The following LAMB2 variants were observed in gnomAD, a reference collection of about 807,000 sequenced individuals.
The protein encoded by LAMB2 is laminin subunit beta-2.
LAMB2 carries 119 observed loss-of-function variants against 202.7 expected under a neutral mutation model. That is an observed-to-expected ratio of 0.59 (90% CI 0.51 to 0.68). LAMB2 has a LOEUF of 0.68. Ranked by LOEUF, LAMB2 falls within the 30% of genes least tolerant of loss-of-function variation. The pLI, the probability that LAMB2 is intolerant of heterozygous loss-of-function variation, is 0.00. For missense variants in LAMB2, 2,124 were observed against 2,410.6 expected (o/e 0.88, Z 2.49); for synonymous variants, 818 against 902.2 (o/e 0.91, Z 1.67).
chr3:49,125,853 C>T lies in LAMB2; in HGVS notation c.2382G>A (p.Glu794=), dbSNP rs774599324. 9 of 1,614,004 alleles carry T rather than the reference C, an allele frequency of 5.6e-6. No homozygotes were observed. The East Asian group carries it at 2.0e-4, about 36-fold the overall frequency. Residue 794 remains glutamate, a synonymous_variant, in exon 18 of 32, where the codon GAG becomes GAA. Coordinates refer to ENST00000305544, the MANE Select transcript of LAMB2 (RefSeq NM_002292.4). ...QCNPQGSLSS[E]CNPHGGQCLC... The stretch of plus-strand genomic sequence containing the variant: ...GGCACTGACCACCATGAGGGTTGCA[C>T]TCAGAACTCAGTGAACCTTGAGGGT...
rs1424003500 is a variant in LAMB2, at chr3:49,126,365, C to T, written c.2151G>A (p.Ser717=). 14 of 1,614,170 alleles carry T rather than the reference C, an allele frequency of 8.7e-6. No individual in the cohort carries two copies. The highest frequency in any genetic ancestry group is 5.5e-5 in the South Asian group (5 of 91,070). ...PYSGPGLLID[S]LVLLPRVLVL... is the part of the protein sequence containing the mutation. ...GTGTGGGCAAGAGGAGATTATTCAC[C>T]GAGTCAATGAGCAGGCCAGGTCCAG... Residue 717 remains serine, a splice_region_variant and synonymous_variant, in exon 16 of 32, where the codon TCG becomes TCA. Coordinates refer to ENST00000305544, the MANE Select transcript of LAMB2 (RefSeq NM_002292.4).
chr3:49,125,312 G>T lies in LAMB2; in HGVS notation c.2661C>A (p.Asn887Lys), dbSNP rs1461585400. The change falls in exon 19 of 32, where the codon AAC (asparagine) becomes AAA (lysine). Residue 887 changes from asparagine to lysine, a missense_variant. Physicochemically the swap from Asn to Lys is moderately conservative, Grantham distance 94 (BLOSUM62 0). This residue lies in a region of LAMB2 where 1,702 missense variants were observed against 1,896.3 expected (regional missense o/e 0.90). Transcript: ENST00000305544. ...AGCCCAGGCAAGCGCCTGTGTGGGT[G>T]TTGCACTCATCTGCATGCCCATTGC... ...CVCNGHADEC[N>K]THTGACLGCR... 1 of 1,613,892 alleles carries T rather than the reference G, an allele frequency of 6.2e-7. No individual in the cohort carries two copies. Among genetic ancestry groups the T allele is most frequent in the Admixed American group, 1.7e-5 (1 of 60,012 alleles).
chr3:49,128,144 G>A (rs546234814), intron 15 of LAMB2, among the ~76,000 whole-genome samples: 84 of 151,442 alleles, frequency 5.5e-4, no homozygotes, highest in Non-Finnish European at 1.0e-3. Context: ...AGAGTGCTCT[G>A]ATGCCACAAC....
rs1399036013 is a variant in LAMB2 at position 49,125,125 on chromosome 3, C to A, written c.2765G>T (p.Gly922Val). 1.9e-6 allele frequency: 3 copies of A among 1,613,730 alleles called. No individual in the cohort carries two copies. The highest frequency in any genetic ancestry group is 2.5e-6 in the Non-Finnish European group (3 of 1,179,966). ...AGGACAGGGACAGGGCCGGCACTGG[C>A]CCCCATATGGCAGCCGTGGGTCCCC... ...FHGDPRLPYG[G>V]QCRPCPCPEG... is the part of the protein sequence containing the mutation. The change falls in exon 20 of 32, where the codon GGC becomes GTC. Residue 922 changes from glycine (G) to valine (V), a missense_variant. This residue lies in a region of LAMB2 where 1,702 missense variants were observed against 1,896.3 expected (regional missense o/e 0.90). Transcript: ENST00000305544.
chr3:49,130,934 G>T lies in LAMB2; in HGVS notation c.915+16C>A. On this transcript the variant is annotated intron_variant, in intron 7 of 31. Transcript: ENST00000305544. The surrounding 1 kb of genome is among the most constrained non-coding windows in gnomAD (Gnocchi z 5.0). The stretch of plus-strand genomic sequence containing the variant: ...CCCTGCCCCTAGCCCTATCCCAACC[G>T]TCTGAAGCCCCTTACCATGCCCTCA... 1 of 1,614,070 alleles carries T rather than the reference G, an allele frequency of 6.2e-7. No individual in the cohort carries two copies. The highest frequency in any genetic ancestry group is 1.3e-5 in the African/African-American group (1 of 75,042).
At chr3:49,127,856 T>C (rs2045433882) in intron 15 of LAMB2, among the ~76,000 whole-genome samples, 1 of 150,574 alleles carries the variant, frequency 6.6e-6, no homozygotes, top group African/African-American at 2.4e-5. Flanking sequence ...CCATCTCTAC[T>C]AAAAATACAA....
chr3:49,125,752 C>G lies in LAMB2; in HGVS notation c.2483G>C (p.Cys828Ser), dbSNP rs376033769. The G allele has an allele frequency of 2.5e-6, 4 of 1,613,784 alleles. No homozygotes were observed. The highest frequency in any genetic ancestry group is 2.5e-6 in the Non-Finnish European group (3 of 1,179,906). The change falls in exon 18 of 32, where the codon TGT becomes TCT. Residue 828 changes from cysteine to serine, a missense_variant. By Grantham distance (112) the Cys-to-Ser change is moderately radical. This residue lies in a region of LAMB2 where 1,702 missense variants were observed against 1,896.3 expected (regional missense o/e 0.90). Transcript: ENST00000305544. ...AACAAGGGGCAGAAGAGTACCTTGA[C>G]AGCCTGTGGGGCCAAAGCCATAGTA... ...PGYYGFGPTG[C>S]QACQCSHEGA...
chr3:49,121,810 T>C lies in LAMB2; in HGVS notation c.4974A>G (p.Glu1658=). 1 of 1,613,200 alleles carries C rather than the reference T, an allele frequency of 6.2e-7. No homozygotes were observed. Among genetic ancestry groups the C allele is most frequent in the South Asian group, 1.1e-5 (1 of 91,076 alleles). The change falls in exon 30 of 32, where the codon GAA becomes GAG. Residue 1658 remains glutamate (E), a synonymous_variant. Transcript: ENST00000305544. ...GGAGAGCATCCAACTGCCGAGCCCT[T>C]TCACCTGCAGAGCTCAGTGCCCGCT... ...GAERALSSAG[E]RARQLDALLE...
chr3:49,124,329 T>C, intron 22 of LAMB2, 43 bp from the exon 23 acceptor site: 1 of 1,613,362 alleles, frequency 6.2e-7, no homozygotes, highest in East Asian at 2.2e-5. Context: ...TATAAGAGGC[T>C]AAGCCCTGGA....
chr3:49,132,246 CTT>C lies in LAMB2; in HGVS notation c.385+22_385+23del. The stretch of plus-strand genomic sequence containing the variant: ...AGCTACTGGTGGGCAGCCCTGCTCA[CTT>C]TTGCCCCACCCATGGCCTCACCATT... On this transcript the variant is annotated intron_variant, in intron 3 of 31. Coordinates refer to ENST00000305544, the MANE Select transcript of LAMB2 (RefSeq NM_002292.4). The surrounding 1 kb of genome is among the most constrained non-coding windows in gnomAD (Gnocchi z 4.6). 1 of 1,614,232 alleles carries C rather than the reference CTT, an allele frequency of 6.2e-7. No homozygotes were observed. Among genetic ancestry groups the C allele is most frequent in the East Asian group, 2.2e-5 (1 of 44,888 alleles).
In LAMB2 at chr3:49,132,905, T is replaced by C. The variant is rs111879332; in HGVS notation, c.-38A>G. Reference sequence around the variant, plus strand: ...AACAGGGATAAGGGGAGGTGAACGGTCTCGGGCCCGAGCCCTCCTCCTTGC... The same window carrying C: ...AACAGGGATAAGGGGAGGTGAACGGCCTCGGGCCCGAGCCCTCCTCCTTGC... On this transcript the variant is annotated 5_prime_UTR_variant, in exon 1 of 32. Coordinates refer to ENST00000305544, the MANE Select transcript of LAMB2 (RefSeq NM_002292.4). The surrounding 1 kb of genome is among the most constrained non-coding windows in gnomAD (Gnocchi z 4.6). 2 of 1,591,320 alleles carry C rather than the reference T, an allele frequency of 1.3e-6. No homozygotes were observed. Among genetic ancestry groups the C allele is most frequent in the Non-Finnish European group, 1.7e-6 (2 of 1,159,612 alleles).
chr3:49,129,268 G>A lies in LAMB2; in HGVS notation c.1575C>T (p.Asp525=), dbSNP rs138230622. The A allele has an allele frequency of 1.3e-4, 217 of 1,613,738 alleles. No individual in the cohort carries two copies. The highest frequency in any genetic ancestry group is 1.6e-4 in the Middle Eastern group (1 of 6,074). ...DLLGCRPCDC[D]VGGALDPQCD... is the part of the protein sequence containing the mutation. Reference sequence around the variant, plus strand: ...ACTGGGGATCCAAAGCACCACCCACGTCGCAGTCACAGGGGCGGCAGCCGA... The same window carrying A: ...ACTGGGGATCCAAAGCACCACCCACATCGCAGTCACAGGGGCGGCAGCCGA... The change falls in exon 12 of 32, where the codon GAC becomes GAT. Residue 525 remains aspartate (D), a synonymous_variant. Transcript: ENST00000305544. This position sits in a 1 kb window ranked among gnomAD's most constrained non-coding sequence, Gnocchi z 6.1.
intron 15 of LAMB2, among the ~76,000 whole-genome samples, chr3:49,128,018 C>CAAAAAAAAAAAAAAAAAAAAAAAA (rs1156873652): frequency 3.0e-5 from 1 of 32,882 alleles, no homozygotes; most frequent in Non-Finnish European, 5.9e-5. Flanking sequence ...GACTCCGTCT[C>CAAAAAAAAAAAAAAAAAAAAAAAA]AAAAAAAAAA....
chr3:49,122,809 G>A lies in LAMB2; in HGVS notation c.4468C>T (p.Arg1490Trp), dbSNP rs868581586. The change falls in exon 27 of 32, where the codon CGG becomes TGG. Residue 1490 changes from arginine to tryptophan, a missense_variant. Physicochemically the swap from Arg to Trp is moderately radical, Grantham distance 101. Around this residue, in one of 3 missense-constraint regions of LAMB2, gnomAD observed 1,702 missense variants for 1,896.3 expected, o/e 0.90. Transcript: ENST00000305544. ...TRRQASEAQQ[R>W]AQAALDKANA... is the part of the protein sequence containing the mutation. ...GCCTTGTCCAGGGCTGCCTGGGCCC[G>A]CTGCTGTGCCTCGCTTGCCTGCCGA... The A allele has an allele frequency of 5.0e-6, 8 of 1,613,564 alleles. No individual in the cohort carries two copies. The highest frequency in any genetic ancestry group is 4.0e-5 in the African/African-American group (3 of 74,904).
rs762984990 is a variant in LAMB2, at chr3:49,124,083, G to A, written c.3442C>T (p.Arg1148Cys). The A allele has an allele frequency of 1.3e-5, 21 of 1,613,904 alleles. No homozygotes were observed. The highest frequency in any genetic ancestry group is 7.7e-5 in the South Asian group (7 of 91,084). ...LQCHACDCDS[R>C]GIDTPQCHRF... ...TGACACTGAGGTGTATCTATTCCACGAGAGTCACAATCACAGGCTGCAAGA... is the reference window on the plus strand; with the variant it reads ...TGACACTGAGGTGTATCTATTCCACAAGAGTCACAATCACAGGCTGCAAGA... The change falls in exon 24 of 32, where the codon CGT (arginine) becomes TGT (cysteine). Residue 1148 changes from arginine to cysteine, a missense_variant. Transcript: ENST00000305544.
chr3:49,131,309 A>C lies in LAMB2; in HGVS notation c.712+70T>G. ...ACCTGCCCTAGGAAGCACCCAAAAT[A>C]GTTACTGAGGCCCCAAATAGTCCCT... On this transcript the variant is annotated intron_variant, in intron 6 of 31. Transcript: ENST00000305544. This position sits in a 1 kb window ranked among gnomAD's most constrained non-coding sequence, Gnocchi z 5.0. 1 of 1,559,666 alleles carries C rather than the reference A, an allele frequency of 6.4e-7. No individual in the cohort carries two copies.
chr3:49,129,194 C>T lies in LAMB2; in HGVS notation c.1599-42G>A, dbSNP rs1234275149. 8 of 1,614,050 alleles carry T rather than the reference C, an allele frequency of 5.0e-6. No individual in the cohort carries two copies. In the Admixed American group the frequency reaches 1.3e-4, roughly 27 times the overall value. ...GGTTACTCAAGAAGAACCTTCTCTT[C>T]TGCTCAGGATCTTTCCCCATCCCTT... On this transcript the variant is annotated intron_variant, in intron 12 of 31. Coordinates refer to ENST00000305544, the MANE Select transcript of LAMB2 (RefSeq NM_002292.4). The surrounding 1 kb of genome is among the most constrained non-coding windows in gnomAD (Gnocchi z 6.1).
chr3:49,126,530 A>G (rs1401287998), intron 15 of LAMB2, 33 bp from the exon 16 acceptor site: 1 of 1,613,470 alleles, frequency 6.2e-7, no homozygotes. Flanking sequence ...GCAGTGGGTC[A>G]TCTAGGGGCC....
rs1477871678 is a variant in LAMB2, at chr3:49,130,013, C to T, written c.1231G>A (p.Asp411Asn). The T allele has an allele frequency of 2.5e-6, 4 of 1,613,826 alleles. No individual in the cohort carries two copies. Among genetic ancestry groups the T allele is most frequent in the Non-Finnish European group, 3.4e-6 (4 of 1,180,004 alleles). ...TCTTGAGAACCCATGGGGTCACAAT[C>T]ACAGGCTGACGGCAAAAAGAGATAC... ...LRDPAVCRSCDCDPMGSQDGG... is the reference protein window; with the variant it reads ...LRDPAVCRSCNCDPMGSQDGG... The change falls in exon 10 of 32, where the codon GAT (aspartate) becomes AAT (asparagine). Residue 411 changes from aspartate to asparagine, a missense_variant. Asp to Asn is a conservative substitution (Grantham distance 23). Coordinates refer to ENST00000305544, the MANE Select transcript of LAMB2 (RefSeq NM_002292.4). The surrounding 1 kb of genome is among the most constrained non-coding windows in gnomAD (Gnocchi z 5.0).
Sources: allele counts gnomAD v4.1 joint callset (sites outside exome capture counted in the v4.1 genomes callset), GRCh38; gene constraint gnomAD v4.1.1; regional missense constraint gnomAD v4.1.1; non-coding constraint Gnocchi (gnomAD v3.1); transcripts MANE v1.5; gene names NCBI Gene and HGNC (gene_info 2026-07-23, HGNC 2026-07-21).